Variants in SLC30A8 observed in about 807,000 individuals in gnomAD.
The protein encoded by SLC30A8 is solute carrier family 30 member 8, also known as proton-coupled zinc antiporter SLC30A8.
SLC30A8 carries 27 observed loss-of-function variants against 36.9 expected under a neutral mutation model. The observed-to-expected ratio is 0.73, with a 90% CI of 0.54 to 1.01. SLC30A8 has a LOEUF of 1.01. Among genes scored for constraint, SLC30A8 ranks in the 50% least tolerant of loss-of-function variants. The pLI is 0.00. For synonymous variants in SLC30A8, 164 were observed against 172.4 expected, an observed-to-expected ratio of 0.95 and a Z score of 0.38; for missense variants, 439 against 452.0, an observed-to-expected ratio of 0.97 and a Z score of 0.26.
chr8:117,038,698 G>A (rs890500154), intron 1 of SLC30A8, among the ~76,000 whole-genome samples: 9 of 152,280 alleles, frequency 5.9e-5, no homozygotes, highest in South Asian at 2.1e-4. Context: ...GAGTAAAATC[G>A]TACTCTAGAA....
At chr8:117,159,355 T>C (rs1324575809) in intron 4 of SLC30A8, among the ~76,000 whole-genome samples, 2 of 152,178 alleles carry the variant, frequency 1.3e-5, no homozygotes, top group African/African-American at 4.8e-5. Context: ...AATGAAGTTT[T>C]AAACAGTGGA....
At chr8:117,076,754 G>A (rs961531550) in intron 2 of SLC30A8, among the ~76,000 whole-genome samples, 7 of 150,746 alleles carry the variant, frequency 4.6e-5, no homozygotes, top group Admixed American at 4.6e-4. Context: ...TCTTCGAGGA[G>A]AGGGGTCAAA....
At chr8:117,158,718 C>A (rs1004355500) in intron 4 of SLC30A8, among the ~76,000 whole-genome samples, 1 of 152,144 alleles carries the variant, frequency 6.6e-6, no homozygotes, top group African/African-American at 2.4e-5. Flanking sequence ...TTTTTTGAGT[C>A]AAATTTCTCC....
intron 2 of SLC30A8, among the ~76,000 whole-genome samples, chr8:117,058,696 T>C (rs1367617546): frequency 6.6e-6 from 1 of 152,206 alleles, no homozygotes; most frequent in East Asian, 1.9e-4. Flanking sequence ...GAACTAAGAA[T>C]GCTTTTTAAA....
intron 4 of SLC30A8, among the ~76,000 whole-genome samples, chr8:117,159,305 G>C (rs1173735144): frequency 6.6e-6 from 1 of 152,200 alleles, no homozygotes; most frequent in Non-Finnish European, 1.5e-5. Context: ...ATGCTATGAG[G>C]TAGATTTTTA....
rs1586448076 is a variant in SLC30A8, at chr8:117,053,778, G to A, written c.-226+14520G>A. On this transcript the variant is annotated intron_variant, in intron 2 of 10. Transcript: ENST00000427715. ...CTTAATGATAAGAGCAACTGAAATA[G>A]TCAGTGATACCTGCAGGCAGGGATT... 3.9e-5 allele frequency among the ~76,000 whole-genome samples: 6 copies of A among 152,346 alleles called. 1 individual carries two copies. Among genetic ancestry groups the A allele is most frequent in the Admixed American group, 3.9e-4 (6 of 15,304 alleles).
chr8:117,038,204 A>G (rs539072455), intron 1 of SLC30A8, among the ~76,000 whole-genome samples: 3 of 152,352 alleles, frequency 2.0e-5, no homozygotes, highest in East Asian at 1.9e-4. Context: ...AGTTTACATG[A>G]TAAGTTAAGC....
chr8:117,105,268 A>T (rs1233572753), intron 2 of SLC30A8, among the ~76,000 whole-genome samples: 1 of 152,050 alleles, frequency 6.6e-6, no homozygotes, highest in Non-Finnish European at 1.5e-5. Context: ...CTTCAAAGCA[A>T]TCTAAGATTT....
chr8:116,970,991 A>G (rs1437812346), intron 1 of SLC30A8, among the ~76,000 whole-genome samples: 1 of 152,148 alleles, frequency 6.6e-6, no homozygotes, highest in African/African-American at 2.4e-5. Context: ...GCTACTTGGG[A>G]GGCTAAGGCA....
At position 117,135,045 on chromosome 8, in the gene SLC30A8, A is replaced by C. The variant is rs533430047; in HGVS notation, c.-283A>C. On this transcript the variant is annotated 5_prime_UTR_variant, in exon 1 of 8. Transcript: ENST00000456015. ...AGAAAGCACAATTGAATCAGATATC[A>C]TATGAAAGACATACACACTTCATGT... The C allele has an allele frequency of 1.1e-5, 3 of 264,898 alleles. No individual in the cohort carries two copies. Among genetic ancestry groups the C allele is most frequent in the Non-Finnish European group, 2.1e-5 (3 of 142,008 alleles). The allele number at this position is 264,898 out of a possible 1,614,324, so 16.4% of individuals were successfully genotyped here. A position where few individuals can be genotyped will look rare whatever the true frequency, so the allele number is the denominator to read the frequency against.
intron 2 of SLC30A8, 129 bp from the exon 3 acceptor site, chr8:117,152,815 A>G (rs1234218979): frequency 2.8e-6 from 2 of 701,850 alleles, no homozygotes; most frequent in Non-Finnish European, 4.4e-6. Context: ...GAATTAAATC[A>G]ACTTTAAGAT....
At chr8:116,958,975 G>A (rs557048735) in intron 1 of SLC30A8, among the ~76,000 whole-genome samples, 139 of 143,000 alleles carry the variant, frequency 9.7e-4, no homozygotes, top group African/African-American at 1.2e-3. Flanking sequence ...TCAGCCTCCC[G>A]AGTAGCTGGG....
In SLC30A8 at chr8:117,175,229, A is replaced by C. The variant is rs1823618601; in HGVS notation, c.*2548A>C. 6.6e-6 allele frequency: 1 copy of C among 152,088 alleles called. No homozygotes were observed. Among genetic ancestry groups the C allele is most frequent in the African/African-American group, 2.4e-5 (1 of 41,404 alleles). The allele number at this position is 152,088 out of a possible 1,614,324, so 9.4% of individuals were successfully genotyped here. A position where few individuals can be genotyped will look rare whatever the true frequency, so the allele number is the denominator to read the frequency against. Reference sequence around the variant, plus strand: ...TGCTGCACTCATCAACCTGTCATCTACATTCTTTTATGTCTGTCTTTCAAA... The same window carrying C: ...TGCTGCACTCATCAACCTGTCATCTCCATTCTTTTATGTCTGTCTTTCAAA... On this transcript the variant is annotated 3_prime_UTR_variant, in exon 8 of 8. Transcript: ENST00000456015.
At chr8:116,969,763 A>T (rs112527222) in intron 1 of SLC30A8, among the ~76,000 whole-genome samples, 2 of 152,196 alleles carry the variant, frequency 1.3e-5, no homozygotes, top group Non-Finnish European at 2.9e-5. Flanking sequence ...AAAATATGGT[A>T]AAAATATGGC....
chr8:117,146,801 C>G (rs192056904), intron 1 of SLC30A8, 153 bp from the exon 2 acceptor site: 3 of 1,429,290 alleles, frequency 2.1e-6, no homozygotes, highest in Admixed American at 5.6e-5. Context: ...GTTTCTAACA[C>G]TTGATATTTT....
chr8:117,117,809 G>T (rs558181003), intron 2 of SLC30A8, among the ~76,000 whole-genome samples: 2 of 152,024 alleles, frequency 1.3e-5, no homozygotes, highest in African/African-American at 4.8e-5. Context: ...GAGGTAAAAA[G>T]TCCATTCAGA....
chr8:117,105,431 C>T (rs116459557), intron 2 of SLC30A8, among the ~76,000 whole-genome samples: 1,999 of 152,192 alleles, frequency 0.013, 43 homozygotes, highest in African/African-American at 0.045. Context: ...TCAAGAGAAA[C>T]GAAACCAATA....
intron 2 of SLC30A8, among the ~76,000 whole-genome samples, chr8:117,049,113 G>T (rs2130769226): frequency 6.6e-6 from 1 of 152,324 alleles, no homozygotes; most frequent in Non-Finnish European, 1.5e-5. Flanking sequence ...TGAGGGCTTT[G>T]TAAACTAGAA....
At chr8:116,962,969 G>A (rs550844663) in intron 1 of SLC30A8, among the ~76,000 whole-genome samples, 7 of 151,956 alleles carry the variant, frequency 4.6e-5, no homozygotes, top group East Asian at 1.9e-4. Context: ...GGAGTCTGGC[G>A]GGGAAGGGGA....
Sources: gnomAD v4.1 joint callset for allele counts (sites outside exome capture counted in the v4.1 genomes callset) on GRCh38, gnomAD v4.1.1 for gene constraint, MANE v1.5 for transcripts, NCBI Gene and HGNC (gene_info 2026-07-23, HGNC 2026-07-21) for gene names.